Variants in TRIO observed in about 807,000 individuals in gnomAD.
TRIO encodes trio Rho guanine nucleotide exchange factor, also known as triple functional domain protein.
A neutral mutation model predicts 351.9 loss-of-function variants in TRIO; 58 were observed. That is an observed-to-expected ratio of 0.16 (90% CI 0.13 to 0.21). TRIO has a LOEUF of 0.21. TRIO is among the 10% of genes least tolerant of loss of function. The pLI is 1.00. For missense variants in TRIO, 3,201 were observed against 4,027.8 expected (o/e 0.79, Z 5.56); for synonymous variants, 1,758 against 1,595.7 (o/e 1.10, Z -2.42).
chr5:14,189,854 C>T (rs71614077), intron 1 of TRIO, among the ~76,000 whole-genome samples: 4,462 of 152,014 alleles, frequency 0.029, 84 homozygotes, highest in Non-Finnish European at 0.044. Flanking sequence ...TCCCCAGGAG[C>T]TGGAACTATA....
intron 53 of TRIO, among the ~76,000 whole-genome samples, chr5:14,499,921 A>G (rs1162000736): frequency 6.6e-6 from 1 of 151,840 alleles, no homozygotes; most frequent in Non-Finnish European, 1.5e-5. Context: ...CGTGGTGGCA[A>G]GCGCCTGTAG....
chr5:14,403,899 AGGT>A (rs1172244093), intron 31 of TRIO, among the ~76,000 whole-genome samples: 5 of 79,278 alleles, frequency 6.3e-5, no homozygotes, highest in Admixed American at 1.3e-4. Context: ...GTGAGGGTGC[AGGT>A]GGTGGTGGTG....
chr5:14,285,209 T>G (rs1238505854), intron 3 of TRIO, among the ~76,000 whole-genome samples: 1 of 152,134 alleles, frequency 6.6e-6, no homozygotes, highest in African/African-American at 2.4e-5. Context: ...TTGAAATCAT[T>G]TCAATTTACA....
chr5:14,509,753 GAGTC>G lies in TRIO; in HGVS notation c.*1332_*1335del. ...GTGGCAGCATTCGCACTGGTGTGGGGAGTCCTTTCAACTCAAGGAGGCTGGGTTT... is the reference window on the plus strand; with the variant it reads ...GTGGCAGCATTCGCACTGGTGTGGGGCTTTCAACTCAAGGAGGCTGGGTTT... On this transcript the variant is annotated 3_prime_UTR_variant, in exon 57 of 57. Coordinates refer to ENST00000344204, the MANE Select transcript of TRIO (RefSeq NM_007118.4). 4 of 240,132 alleles carry G rather than the reference GAGTC, an allele frequency of 1.7e-5. No individual in the cohort carries two copies. Among genetic ancestry groups the G allele is most frequent in the South Asian group, 4.4e-5 (1 of 22,694 alleles). 14.9% of individuals were successfully genotyped at this position (240,132 alleles called of 1,614,324 possible).
chr5:14,488,542 T>G, intron 48 of TRIO: 1 of 532,716 alleles, frequency 1.9e-6, no homozygotes, highest in South Asian at 3.1e-5. Flanking sequence ...AATATCTTCT[T>G]GGAACTTTCT....
chr5:14,470,189 A>G (rs1381829278), intron 37 of TRIO, among the ~76,000 whole-genome samples: 1 of 152,204 alleles, frequency 6.6e-6, no homozygotes, highest in African/African-American at 2.4e-5. Context: ...TTATAGCTCC[A>G]TGGGTTTTAA....
chr5:14,195,620 T>A (rs1790724791), intron 1 of TRIO, among the ~76,000 whole-genome samples: 1 of 152,252 alleles, frequency 6.6e-6, no homozygotes, highest in Non-Finnish European at 1.5e-5. Context: ...AGTGTGGTGT[T>A]CGTCAAATGG....
At chr5:14,387,702 A>T (rs750283743) in intron 22 of TRIO, 30 bp from the exon 23 acceptor site, 1 of 1,611,660 alleles carries the variant, frequency 6.2e-7, no homozygotes, top group South Asian at 1.1e-5. Flanking sequence ...GATTTAATTA[A>T]CTGAGTTCAT....
chr5:14,144,883 A>G lies in TRIO; in HGVS notation c.157+1001A>G, dbSNP rs558770231. Among the ~76,000 whole-genome samples, 37 of 151,610 alleles carry G rather than the reference A, an allele frequency of 2.4e-4. No individual in the cohort carries two copies. The Middle Eastern group carries it at 0.014, about 56-fold the overall frequency. ...GTCCGGTCTGCTCGCGCGTCGGCTG[A>G]GCAGCAGCAGGAGGAGGAGGAGGCG... On this transcript the variant is annotated intron_variant, in intron 1 of 56. Coordinates refer to ENST00000344204, the MANE Select transcript of TRIO (RefSeq NM_007118.4).
intron 6 of TRIO, among the ~76,000 whole-genome samples, chr5:14,293,618 C>T (rs1737093780): frequency 6.6e-6 from 1 of 152,148 alleles, no homozygotes; most frequent in Non-Finnish European, 1.5e-5. Context: ...GGGATCTGGC[C>T]CTCAGCCTTG....
At position 14,508,637 on chromosome 5, in the gene TRIO, G is replaced by T; in HGVS notation, c.*215G>T. ...TCACTTACACTCTGCCCAAGGCAGA[G>T]GTCGCATTGCTGTATCACAGTATTT... On this transcript the variant is annotated 3_prime_UTR_variant, in exon 57 of 57. Transcript: ENST00000344204. The T allele has an allele frequency of 1.9e-6, 1 of 532,238 alleles. No individual in the cohort carries two copies. Among genetic ancestry groups the T allele is most frequent in the Non-Finnish European group, 3.2e-6 (1 of 308,464 alleles). The allele number at this position is 532,238 out of a possible 1,614,324, so 33.0% of individuals were successfully genotyped here.
intron 48 of TRIO, chr5:14,488,882 G>C (rs1273049465): frequency 1.4e-6 from 1 of 740,508 alleles, no homozygotes; most frequent in East Asian, 2.5e-5. Context: ...GCTCTGCAGT[G>C]CAGGCTGGGG....
At chr5:14,198,024 G>A (rs73057521) in intron 1 of TRIO, among the ~76,000 whole-genome samples, 6,300 of 152,228 alleles carry the variant, frequency 0.041, 450 homozygotes, top group African/African-American at 0.14. Flanking sequence ...AACAAAGATA[G>A]TCATTGCCTC....
intron 1 of TRIO, among the ~76,000 whole-genome samples, chr5:14,172,486 TAAAGCCC>T (rs2152127373): frequency 6.6e-6 from 1 of 152,306 alleles, no homozygotes; most frequent in Non-Finnish European, 1.5e-5. Context: ...GCACACAGAA[TAAAGCCC>T]CTTCTGTTGA....
At chr5:14,503,078 TCCCCATCAAAGG>T (rs1216073204) in intron 54 of TRIO, among the ~76,000 whole-genome samples, 3 of 152,236 alleles carry the variant, frequency 2.0e-5, no homozygotes, top group African/African-American at 7.2e-5. Context: ...GAGAGAGGTT[TCCCCATCAAAGG>T]GGTTCTTTCT....
At chr5:14,303,089 C>T (rs576553029) in intron 7 of TRIO, among the ~76,000 whole-genome samples, 142 of 133,472 alleles carry the variant, frequency 1.1e-3, no homozygotes, top group African/African-American at 4.0e-3. Flanking sequence ...GAGATTGAGC[C>T]GGGATTGGGA....
intron 1 of TRIO, among the ~76,000 whole-genome samples, chr5:14,215,497 C>T (rs1462445540): frequency 3.3e-5 from 5 of 152,100 alleles, no homozygotes; most frequent in Non-Finnish European, 7.4e-5. Context: ...TCAGACCAAC[C>T]TTCTTTTATA....
At chr5:14,458,092 C>T (rs1388886602) in intron 34 of TRIO, among the ~76,000 whole-genome samples, 2 of 151,162 alleles carry the variant, frequency 1.3e-5, no homozygotes, top group Non-Finnish European at 1.5e-5. Context: ...AGCAGAGCTC[C>T]GTGGTGACAC....
intron 34 of TRIO, among the ~76,000 whole-genome samples, chr5:14,426,761 A>C (rs1028234933): frequency 6.6e-6 from 1 of 152,142 alleles, no homozygotes; most frequent in African/African-American, 2.4e-5. Flanking sequence ...CTTTAAACTG[A>C]GCCCTGTAAA....
Sources: gnomAD v4.1 joint callset for allele counts (sites outside exome capture counted in the v4.1 genomes callset) on GRCh38, gnomAD v4.1.1 for gene constraint, MANE v1.5 for transcripts, NCBI Gene and HGNC (gene_info 2026-07-23, HGNC 2026-07-21) for gene names.